Variants in LRRTM4 observed in about 807,000 individuals in gnomAD.
The protein encoded by LRRTM4 is leucine rich repeat transmembrane neuronal 4.
Under a neutral mutation model 47.6 loss-of-function variants are expected in LRRTM4, and 25 were observed. That is an observed-to-expected ratio of 0.53 (90% confidence interval 0.38 to 0.73). LRRTM4 has a LOEUF of 0.73. Ranked by LOEUF, LRRTM4 falls within the 30% of genes least tolerant of loss-of-function variation. The pLI is 0.00. For missense variants in LRRTM4, 638 were observed against 713.4 expected (o/e 0.89, Z 1.20); for synonymous variants, 311 against 269.5 (o/e 1.15, Z -1.51).
intron 3 of LRRTM4, among the ~76,000 whole-genome samples, chr2:76,795,564 CATGT>C (rs1675246321): frequency 6.8e-6 from 1 of 146,366 alleles, no homozygotes; most frequent in South Asian, 2.2e-4. Flanking sequence ...TGCATATATA[CATGT>C]GCATATATAT....
At chr2:77,323,749 A>C (rs888155032) in intron 3 of LRRTM4, among the ~76,000 whole-genome samples, 1 of 152,148 alleles carries the variant, frequency 6.6e-6, no homozygotes, top group Non-Finnish European at 1.5e-5. Context: ...GATAAATTTC[A>C]TACATTTGAA....
intron 3 of LRRTM4, among the ~76,000 whole-genome samples, chr2:76,782,436 T>C (rs1674449820): frequency 6.6e-6 from 1 of 152,208 alleles, no homozygotes; most frequent in Admixed American, 6.5e-5. Flanking sequence ...ATTTAAGGTT[T>C]ACGATATTGC....
intron 3 of LRRTM4, among the ~76,000 whole-genome samples, chr2:77,003,822 G>A (rs572351792): frequency 6.6e-6 from 1 of 152,220 alleles, no homozygotes; most frequent in African/African-American, 2.4e-5. Context: ...ACAGAAACAT[G>A]TGGAAAAGTT....
At chr2:76,889,298 T>C (rs1370025937) in intron 3 of LRRTM4, among the ~76,000 whole-genome samples, 1 of 151,914 alleles carries the variant, frequency 6.6e-6, no homozygotes, top group Non-Finnish European at 1.5e-5. Context: ...AGAGGCAGCT[T>C]TGATTGAGAA....
intron 3 of LRRTM4, among the ~76,000 whole-genome samples, chr2:77,077,064 T>A (rs1281654065): frequency 1.3e-5 from 2 of 152,174 alleles, no homozygotes; most frequent in Non-Finnish European, 2.9e-5. Context: ...AGTACCTAGA[T>A]GGTGTCTGAC....
chr2:77,303,278 CA>C (rs66763307), intron 3 of LRRTM4, among the ~76,000 whole-genome samples: 3 of 149,790 alleles, frequency 2.0e-5, no homozygotes, highest in East Asian at 2.0e-4. Flanking sequence ...AACAAACAAA[CA>C]AAAAAAAATG....
At chr2:77,475,305 G>A (rs553254482) in intron 3 of LRRTM4, among the ~76,000 whole-genome samples, 1 of 152,052 alleles carries the variant, frequency 6.6e-6, no homozygotes, top group African/African-American at 2.4e-5. Context: ...TTAAGTTTAG[G>A]GGCGTATTTT....
intron 3 of LRRTM4, among the ~76,000 whole-genome samples, chr2:76,997,745 G>C (rs904355287): frequency 6.6e-6 from 1 of 152,050 alleles, no homozygotes; most frequent in African/African-American, 2.4e-5. Flanking sequence ...GTTAGGAATT[G>C]GGCTGCACAG....
chr2:77,150,938 C>T lies in LRRTM4; in HGVS notation c.1551+367380G>A, dbSNP rs80136136. ...ATTAGTTTTCTTCTCTTCTCACCTT[C>T]CATTTATTCAACAGGTTGAACACAT... On this transcript the variant is annotated intron_variant, in intron 3 of 3. Coordinates refer to ENST00000409884, the MANE Select transcript of LRRTM4 (RefSeq NM_001134745.3). 3.7e-3 allele frequency among the ~76,000 whole-genome samples: 565 copies of T among 152,224 alleles called. 15 individuals carry two copies. The East Asian group carries it at 0.076, about 21-fold the overall frequency.
intron 3 of LRRTM4, among the ~76,000 whole-genome samples, chr2:77,127,295 C>G (rs1305084063): frequency 2.0e-5 from 3 of 152,096 alleles, no homozygotes; most frequent in African/African-American, 7.2e-5. Context: ...ACATGGCTGT[C>G]TTGTAATTTT....
chr2:76,939,726 T>C (rs1381923130), intron 3 of LRRTM4, among the ~76,000 whole-genome samples: 1 of 152,146 alleles, frequency 6.6e-6, no homozygotes, highest in East Asian at 1.9e-4. Flanking sequence ...TTTATGTTAG[T>C]CCTACATGCT....
At chr2:77,361,987 G>T (rs1392141958) in intron 3 of LRRTM4, among the ~76,000 whole-genome samples, 1 of 151,972 alleles carries the variant, frequency 6.6e-6, no homozygotes, top group Non-Finnish European at 1.5e-5. Flanking sequence ...CAGTCAGGAG[G>T]CTGAGGCAGG....
At chr2:77,260,851 T>C (rs1393825715) in intron 3 of LRRTM4, among the ~76,000 whole-genome samples, 2 of 152,152 alleles carry the variant, frequency 1.3e-5, no homozygotes, top group African/African-American at 4.8e-5. Flanking sequence ...TGTGAATGTA[T>C]GACGCTAGAA....
At chr2:77,421,197 T>G (rs1558735628) in intron 3 of LRRTM4, among the ~76,000 whole-genome samples, 2 of 152,178 alleles carry the variant, frequency 1.3e-5, no homozygotes, top group Admixed American at 6.5e-5. Context: ...TATGAGTTAT[T>G]ACGTCTCCTC....
intron 3 of LRRTM4, among the ~76,000 whole-genome samples, chr2:76,797,157 C>T (rs1380080634): frequency 2.0e-5 from 3 of 152,024 alleles, no homozygotes; most frequent in South Asian, 2.1e-4. Flanking sequence ...CCAATACACA[C>T]AATTGTCAGA....
intron 3 of LRRTM4, among the ~76,000 whole-genome samples, chr2:77,358,041 A>G (rs890212782): frequency 6.6e-6 from 1 of 152,198 alleles, no homozygotes; most frequent in African/African-American, 2.4e-5. Context: ...ATATACTTAA[A>G]TCATTTCTTT....
intron 3 of LRRTM4, among the ~76,000 whole-genome samples, chr2:76,822,768 G>T (rs1399708063): frequency 6.6e-6 from 1 of 151,398 alleles, no homozygotes; most frequent in Admixed American, 6.6e-5. Context: ...GTACCTCTAA[G>T]TCTGACTAAC....
At position 77,439,500 on chromosome 2, in the gene LRRTM4, G is replaced by GA. The variant is rs779231520; in HGVS notation, c.1551+78817dup. 3.4e-4 allele frequency among the ~76,000 whole-genome samples: 51 copies of GA among 151,098 alleles called. No individual in the cohort carries two copies. In the Middle Eastern group the frequency reaches 0.014, roughly 41 times the overall value. ...ACTATTAACTCAGTTTAGAAACTTAGAAAAAAAACATTTCTGAGGAAGAAA... is the reference window on the plus strand; with the variant it reads ...ACTATTAACTCAGTTTAGAAACTTAGAAAAAAAAACATTTCTGAGGAAGAAA... On this transcript the variant is annotated intron_variant, in intron 3 of 3. Coordinates refer to ENST00000409884, the MANE Select transcript of LRRTM4 (RefSeq NM_001134745.3).
chr2:76,816,635 A>G (rs1418957742), intron 3 of LRRTM4, among the ~76,000 whole-genome samples: 1 of 151,744 alleles, frequency 6.6e-6, no homozygotes, highest in Admixed American at 6.6e-5. Context: ...CCACTATTAC[A>G]TATTTTCTTA....
Sources: gnomAD v4.1 joint callset for allele counts (sites outside exome capture counted in the v4.1 genomes callset) on GRCh38, gnomAD v4.1.1 for gene constraint, MANE v1.5 for transcripts, NCBI Gene and HGNC (gene_info 2026-07-23, HGNC 2026-07-21) for gene names.